The following MAP3K20 variants were observed in gnomAD, a reference collection of about 807,000 sequenced individuals.
MAP3K20 encodes mitogen-activated protein kinase kinase kinase 20.
MAP3K20 carries 40 observed loss-of-function variants against 85.7 expected under a neutral mutation model. That is an observed-to-expected ratio of 0.47 (90% confidence interval 0.36 to 0.61). The LOEUF (loss-of-function observed/expected upper bound fraction) is 0.61. MAP3K20 is among the 20% of genes least tolerant of loss of function. The pLI, the probability that MAP3K20 is intolerant of heterozygous loss-of-function variation, is 0.00. For missense variants in MAP3K20, 817 were observed against 961.7 expected, an observed-to-expected ratio of 0.85 and a Z score of 1.99; for synonymous variants, 325 against 327.7, an observed-to-expected ratio of 0.99 and a Z score of 0.09.
chr2:173,220,372 G>T (rs1178611409), intron 11 of MAP3K20, among the ~76,000 whole-genome samples: 1 of 152,142 alleles, frequency 6.6e-6, no homozygotes, highest in Non-Finnish European at 1.5e-5. Flanking sequence ...AAAAAGTTCG[G>T]TTGAAAGAAG....
At chr2:173,085,277 T>C (rs1687115406) in intron 1 of MAP3K20, among the ~76,000 whole-genome samples, 1 of 152,204 alleles carries the variant, frequency 6.6e-6, no homozygotes, top group Non-Finnish European at 1.5e-5. Flanking sequence ...AATGACTTAT[T>C]TGAGGTCAAC....
intron 11 of MAP3K20, chr2:173,223,637 T>C (rs1684310364): frequency 1.0e-6 from 1 of 985,274 alleles, no homozygotes; most frequent in Non-Finnish European, 1.2e-6. Flanking sequence ...CTTTGAAAAC[T>C]ATGAGCCCTG....
intron 2 of MAP3K20, among the ~76,000 whole-genome samples, chr2:173,103,926 A>G (rs1044573654): frequency 2.0e-5 from 3 of 152,190 alleles, no homozygotes; most frequent in Non-Finnish European, 2.9e-5. Context: ...CCATCCAACA[A>G]ATATTGAGTA....
intron 1 of MAP3K20, among the ~76,000 whole-genome samples, chr2:173,079,026 A>G (rs1686941980): frequency 6.6e-6 from 1 of 152,186 alleles, no homozygotes; most frequent in African/African-American, 2.4e-5. Context: ...GTGTCCATTA[A>G]TGATGGGGAT....
intron 3 of MAP3K20, 100 bp downstream of exon 3, chr2:173,169,992 G>A (rs1010788544): frequency 9.3e-7 from 1 of 1,076,816 alleles, no homozygotes; most frequent in South Asian, 1.4e-5. Flanking sequence ...TATGAATTGT[G>A]TGTTACTGTC....
At chr2:173,179,279 G>C (rs1017341302) in intron 3 of MAP3K20, among the ~76,000 whole-genome samples, 1 of 151,830 alleles carries the variant, frequency 6.6e-6, no homozygotes, top group Non-Finnish European at 1.5e-5. Flanking sequence ...TATAGTCCCA[G>C]CTTCTCAGGA....
intron 2 of MAP3K20, among the ~76,000 whole-genome samples, chr2:173,167,823 A>G (rs6722254): frequency 0.48 from 72,546 of 151,996 alleles, 20,007 homozygotes; most frequent in South Asian, 0.65. Context: ...AGGACTCAGA[A>G]TATACTTGTA....
intron 2 of MAP3K20, among the ~76,000 whole-genome samples, chr2:173,134,577 G>T (rs1307643255): frequency 6.7e-6 from 1 of 149,410 alleles, no homozygotes; most frequent in Non-Finnish European, 1.5e-5. Context: ...GCCCATTACT[G>T]CTGACTTAGT....
At chr2:173,262,611 A>AG (rs1433784392) in intron 18 of MAP3K20, among the ~76,000 whole-genome samples, 1 of 152,004 alleles carries the variant, frequency 6.6e-6, no homozygotes, top group African/African-American at 2.4e-5. Context: ...AAAAGAAAAA[A>AG]AAAAAGAAAA....
chr2:173,239,089 A>C (rs1684721112), intron 15 of MAP3K20, among the ~76,000 whole-genome samples: 1 of 152,216 alleles, frequency 6.6e-6, no homozygotes, highest in Non-Finnish European at 1.5e-5. Context: ...TGAAGTTGAA[A>C]TCTCACAATG....
At chr2:173,077,906 G>C (rs1310127278) in intron 1 of MAP3K20, among the ~76,000 whole-genome samples, 1 of 152,342 alleles carries the variant, frequency 6.6e-6, no homozygotes, top group East Asian at 1.9e-4. Context: ...GTTGCACTGT[G>C]TATTTTAACT....
At chr2:173,185,489 C>G (rs1470646817) in intron 4 of MAP3K20, among the ~76,000 whole-genome samples, 1 of 151,604 alleles carries the variant, frequency 6.6e-6, no homozygotes, top group Non-Finnish European at 1.5e-5. Flanking sequence ...CTCTGATAAG[C>G]TGGGTGTAGA....
intron 2 of MAP3K20, among the ~76,000 whole-genome samples, chr2:173,097,378 C>CAAA (rs770895596): frequency 4.6e-5 from 7 of 151,960 alleles, no homozygotes; most frequent in Non-Finnish European, 7.4e-5. Flanking sequence ...AAAACAAAAA[C>CAAA]AAAACACAAT....
At chr2:173,079,904 T>TA (rs1231697842) in intron 1 of MAP3K20, among the ~76,000 whole-genome samples, 2 of 151,556 alleles carry the variant, frequency 1.3e-5, no homozygotes, top group Non-Finnish European at 2.9e-5. Flanking sequence ...TTTTTTTTTT[T>TA]AAGTGGAAAG....
chr2:173,213,958 G>A (rs535205149), intron 10 of MAP3K20, among the ~76,000 whole-genome samples: 35 of 152,230 alleles, frequency 2.3e-4, no homozygotes, highest in African/African-American at 8.2e-4. Context: ...TCTAGTGTCT[G>A]AAACCACATG....
chr2:173,244,938 T>C (rs1051558567), intron 16 of MAP3K20, among the ~76,000 whole-genome samples: 8 of 152,104 alleles, frequency 5.3e-5, no homozygotes, highest in African/African-American at 1.9e-4. Context: ...CAAGAGAAAA[T>C]TGGAGCTTTG....
chr2:173,210,256 G>A (rs1397354386), intron 10 of MAP3K20: 1 of 169,930 alleles, frequency 5.9e-6, no homozygotes, highest in Non-Finnish European at 1.3e-5. Flanking sequence ...AGGAGGCTGA[G>A]GCAGGAGAAT....
chr2:173,227,121 T>G, intron 11 of MAP3K20: 4 of 985,868 alleles, frequency 4.1e-6, no homozygotes, highest in Non-Finnish European at 4.8e-6. Context: ...AAGACTCCAT[T>G]TTGCAATAAA....
chr2:173,221,959 C>T, intron 11 of MAP3K20: 1 of 986,618 alleles, frequency 1.0e-6, no homozygotes, highest in South Asian at 4.7e-5. Flanking sequence ...AATTCTGTGA[C>T]ATACTTTTTT....
Sources: allele counts gnomAD v4.1 joint callset (sites outside exome capture counted in the v4.1 genomes callset), GRCh38; gene constraint gnomAD v4.1.1; transcripts MANE v1.5; gene names NCBI Gene and HGNC (gene_info 2026-07-23, HGNC 2026-07-21).